COG5: variants seen among roughly 807,000 people sequenced by gnomAD.
The protein encoded by COG5 is conserved oligomeric Golgi complex subunit 5.
COG5 carries 86 observed loss-of-function variants against 110.4 expected under a neutral mutation model. The observed-to-expected ratio is 0.78, with a 90% CI of 0.65 to 0.93. COG5 has a LOEUF of 0.93. COG5 is among the 40% of genes least tolerant of loss of function. The pLI is 0.00. For missense variants in COG5, 1,077 were observed against 987.0 expected, an observed-to-expected ratio of 1.09 and a Z score of -1.22; for synonymous variants, 360 against 334.6, an observed-to-expected ratio of 1.08 and a Z score of -0.83.
chr7:107,371,452 T>TA (rs962005395), intron 8 of COG5, among the ~76,000 whole-genome samples: 2 of 151,770 alleles, frequency 1.3e-5, no homozygotes, highest in Admixed American at 1.3e-4. Context: ...ATTAACAATC[T>TA]AAAAAAAATT....
chr7:107,220,815 CT>C lies in COG5; in HGVS notation c.2169-9591del, dbSNP rs1168926155. Among the ~76,000 whole-genome samples, 646 of 123,930 alleles carry C rather than the reference CT, an allele frequency of 5.2e-3. 1 individual carries two copies. The highest frequency in any genetic ancestry group is 0.015 in the African/African-American group (497 of 32,434). The allele number at this position is 123,930 out of a possible 152,430, so 81.3% of individuals were successfully genotyped here. On this transcript the variant is annotated intron_variant, in intron 19 of 21. Transcript: ENST00000297135. Reference sequence around the variant, plus strand: ...CAAAGGATAGCGGGACTCATGCCTTCTTTTTTTTTTTTTTTTTTTTTTGAGG... The same window carrying C: ...CAAAGGATAGCGGGACTCATGCCTTCTTTTTTTTTTTTTTTTTTTTTGAGG...
chr7:107,356,012 A>G (rs1443432463), intron 10 of COG5, among the ~76,000 whole-genome samples: 4 of 152,240 alleles, frequency 2.6e-5, no homozygotes, highest in Non-Finnish European at 5.9e-5. Flanking sequence ...CATAATGCAT[A>G]ACATTGTACT....
At chr7:107,271,963 A>T (rs1036921170) in intron 14 of COG5, among the ~76,000 whole-genome samples, 4 of 152,144 alleles carry the variant, frequency 2.6e-5, no homozygotes, top group South Asian at 2.1e-4. Flanking sequence ...ATATTTTTTT[A>T]AAATATTCCT....
intron 12 of COG5, among the ~76,000 whole-genome samples, chr7:107,295,046 C>CATAT (rs1806571759): frequency 5.9e-5 from 2 of 33,998 alleles, no homozygotes; most frequent in Non-Finnish European, 1.0e-4. Context: ...TATACACACA[C>CATAT]ACACACACAC....
chr7:107,434,207 G>C (rs1310576364), intron 6 of COG5, among the ~76,000 whole-genome samples: 1 of 152,158 alleles, frequency 6.6e-6, no homozygotes, highest in Non-Finnish European at 1.5e-5. Context: ...GAACCTTTGT[G>C]CATTGTGTCT....
intron 17 of COG5, among the ~76,000 whole-genome samples, chr7:107,245,209 T>C (rs917946984): frequency 7.2e-5 from 11 of 152,130 alleles, no homozygotes; most frequent in Non-Finnish European, 1.2e-4. Context: ...CAAAGGAACA[T>C]ACCTCAAAAT....
intron 14 of COG5, among the ~76,000 whole-genome samples, chr7:107,267,749 A>AT (rs1269982356): frequency 6.6e-6 from 1 of 152,158 alleles, no homozygotes; most frequent in Non-Finnish European, 1.5e-5. Context: ...AATCAATACA[A>AT]TTTAAAAAAA....
At chr7:107,495,847 G>T (rs1584894839) in intron 6 of COG5, among the ~76,000 whole-genome samples, 1 of 151,976 alleles carries the variant, frequency 6.6e-6, no homozygotes, top group South Asian at 2.1e-4. Flanking sequence ...AAAGAAAGCA[G>T]AAAATTCCAA....
At chr7:107,368,152 A>AT (rs1270501190) in intron 8 of COG5, among the ~76,000 whole-genome samples, 2 of 151,760 alleles carry the variant, frequency 1.3e-5, no homozygotes, top group South Asian at 2.1e-4. Context: ...TCAATTTCTT[A>AT]TTTTTTTTAA....
At chr7:107,243,651 C>T (rs1801826727) in intron 17 of COG5, among the ~76,000 whole-genome samples, 1 of 151,854 alleles carries the variant, frequency 6.6e-6, no homozygotes, top group Admixed American at 6.6e-5. Flanking sequence ...GACCTAAATG[C>T]AACATTGGAC....
intron 7 of COG5, among the ~76,000 whole-genome samples, chr7:107,409,111 T>A (rs924609612): frequency 2.9e-4 from 44 of 149,184 alleles, no homozygotes; most frequent in African/African-American, 1.1e-3. Context: ...AATGGGAATA[T>A]ACGAGATCAT....
intron 6 of COG5, among the ~76,000 whole-genome samples, chr7:107,426,105 C>T (rs1270269553): frequency 1.3e-5 from 2 of 152,138 alleles, no homozygotes; most frequent in Non-Finnish European, 1.5e-5. Flanking sequence ...TTACTGACAT[C>T]TTGATTTTGG....
At chr7:107,343,295 T>C (rs1395226636) in intron 10 of COG5, among the ~76,000 whole-genome samples, 1 of 152,194 alleles carries the variant, frequency 6.6e-6, no homozygotes, top group Admixed American at 6.5e-5. Context: ...GGATCATTTA[T>C]ACCCCAAATC....
At chr7:107,296,413 T>A (rs1323189787) in intron 12 of COG5, among the ~76,000 whole-genome samples, 1 of 151,984 alleles carries the variant, frequency 6.6e-6, no homozygotes, top group Non-Finnish European at 1.5e-5. Context: ...AAATATGATA[T>A]ATCATTAAAT....
At chr7:107,382,488 T>C (rs1375444480) in intron 7 of COG5, among the ~76,000 whole-genome samples, 1 of 152,184 alleles carries the variant, frequency 6.6e-6, no homozygotes, top group Non-Finnish European at 1.5e-5. Context: ...TAGGCTGGAG[T>C]GCAATGGCAC....
At chr7:107,357,738 A>C (rs912054250) in intron 10 of COG5, among the ~76,000 whole-genome samples, 2 of 152,046 alleles carry the variant, frequency 1.3e-5, no homozygotes, top group Non-Finnish European at 2.9e-5. Flanking sequence ...GTGCAATCTT[A>C]ACTGACTATA....
chr7:107,296,707 A>T (rs1806781783), intron 12 of COG5, among the ~76,000 whole-genome samples: 2 of 151,726 alleles, frequency 1.3e-5, no homozygotes, highest in Admixed American at 1.3e-4. Flanking sequence ...CACACTGCCC[A>T]GCACGAGTCA....
chr7:107,493,517 A>G (rs961140958), intron 6 of COG5, among the ~76,000 whole-genome samples: 9 of 152,300 alleles, frequency 5.9e-5, no homozygotes, highest in Admixed American at 4.6e-4. Flanking sequence ...AAGGCTGAAT[A>G]AATTAAATTT....
At chr7:107,475,003 T>C (rs1446454467) in intron 6 of COG5, 1 of 1,612,864 alleles carries the variant, frequency 6.2e-7, no homozygotes, top group Non-Finnish European at 8.5e-7. Flanking sequence ...CTTCAGGATG[T>C]CTTTATTGAT....
Sources: gnomAD v4.1 joint callset for allele counts (sites outside exome capture counted in the v4.1 genomes callset) on GRCh38, gnomAD v4.1.1 for gene constraint, MANE v1.5 for transcripts, NCBI Gene and HGNC (gene_info 2026-07-23, HGNC 2026-07-21) for gene names.